PCIF1: variants seen among roughly 807,000 people sequenced by gnomAD.
PCIF1 encodes the protein phosphorylated CTD interacting factor 1.
Under a neutral mutation model 86.9 loss-of-function variants are expected in PCIF1, and 12 were observed. That is an observed-to-expected ratio of 0.14 (90% confidence interval 0.09 to 0.22). The LOEUF (loss-of-function observed/expected upper bound fraction) is 0.22. Ranked by LOEUF, PCIF1 falls within the 10% of genes least tolerant of loss-of-function variation. The probability of loss-of-function intolerance (pLI) is 1.00; values close to 1 mark genes in which losing one functional copy is unlikely to be tolerated. For synonymous variants in PCIF1, 397 were observed against 372.0 expected (o/e 1.07, Z -0.77); for missense variants, 701 against 951.1 (o/e 0.74, Z 3.46).
At chr20:45,935,092 C>T (rs890749429) in intron 1 of PCIF1, among the ~76,000 whole-genome samples, 2 of 150,326 alleles carry the variant, frequency 1.3e-5, no homozygotes, top group African/African-American at 4.9e-5. Context: ...AGCCCGGGGG[C>T]GGGAGCGCGC....
In PCIF1 at chr20:45,947,982, TTG is replaced by T. The variant is rs1334436250; in HGVS notation, c.*229_*230del. The T allele has an allele frequency of 3.7e-5, 57 of 1,522,330 alleles. No homozygotes were observed. Among genetic ancestry groups the T allele is most frequent in the Non-Finnish European group, 4.8e-5 (55 of 1,137,588 alleles). The allele number at this position is 1,522,330 out of a possible 1,614,324, so 94.3% of individuals were successfully genotyped here. ...CCCCGCCCCTCACCCTGTTGCCACC[TTG>T]TTTCATTTGTAAAAGGAAATACAGA... is the stretch of plus-strand genomic sequence containing the variant. On this transcript the variant is annotated 3_prime_UTR_variant, in exon 17 of 17. Transcript: ENST00000372409. The surrounding 1 kb of genome is among the most constrained non-coding windows in gnomAD (Gnocchi z 5.4).
intron 7 of PCIF1, among the ~76,000 whole-genome samples, chr20:45,941,422 A>G (rs907383609): frequency 1.3e-5 from 2 of 152,230 alleles, no homozygotes; most frequent in African/African-American, 4.8e-5. Context: ...AGTAAAATGA[A>G]TAAGTATTAA....
At chr20:45,935,173 GGGGTAGGGGGA>G (rs2083409945) in intron 1 of PCIF1, among the ~76,000 whole-genome samples, 1 of 151,096 alleles carries the variant, frequency 6.6e-6, no homozygotes, top group Non-Finnish European at 1.5e-5. Context: ...CACCCTCGCT[GGGGTAGGGGGA>G]GGGGAAGGTG....
chr20:45,942,374 G>A (rs2083479750), intron 7 of PCIF1, among the ~76,000 whole-genome samples: 1 of 148,660 alleles, frequency 6.7e-6, no homozygotes, highest in South Asian at 2.1e-4. Context: ...GAGTGCAATG[G>A]CACGGTCTCG....
In PCIF1 at chr20:45,937,472, A is replaced by G. The variant is rs1205105487; in HGVS notation, c.-133A>G. On this transcript the variant is annotated 5_prime_UTR_variant, in exon 2 of 17. Coordinates refer to ENST00000372409, the MANE Select transcript of PCIF1 (RefSeq NM_022104.4). ...CGTCCACTCCACTGCTGACCAGCCC[A>G]TTCGCCTGTGCTGAGTCTTCCTGCA... The G allele has an allele frequency of 5.0e-6, 2 of 399,180 alleles. No individual in the cohort carries two copies. Among genetic ancestry groups the G allele is most frequent in the Non-Finnish European group, 8.8e-6 (2 of 226,174 alleles). The allele number at this position is 399,180 out of a possible 1,614,324, so 24.7% of individuals were successfully genotyped here. A position where few individuals can be genotyped will look rare whatever the true frequency, so the allele number is the denominator to read the frequency against.
rs2083489397 is a variant in PCIF1 at position 45,943,058 on chromosome 20, G to T, written c.674-39G>T. 2 of 1,601,798 alleles carry T rather than the reference G, an allele frequency of 1.2e-6. No individual in the cohort carries two copies. Among genetic ancestry groups the T allele is most frequent in the African/African-American group, 1.3e-5 (1 of 74,650 alleles). ...TGCCAAGCTCCAAGTGGGACTGCTT[G>T]ATTAAATCCAGGCCTTCAGCAGCTC... On this transcript the variant is annotated intron_variant, in intron 7 of 16. Transcript: ENST00000372409. The surrounding 1 kb of genome is among the most constrained non-coding windows in gnomAD (Gnocchi z 5.5).
chr20:45,940,681 C>A, intron 5 of PCIF1, 69 bp downstream of exon 5: 1 of 1,576,998 alleles, frequency 6.3e-7, no homozygotes, highest in Non-Finnish European at 8.6e-7. Flanking sequence ...AGGCTCCCTG[C>A]AGGGGCTGGG....
intron 11 of PCIF1, 86 bp from the exon 12 acceptor site, chr20:45,945,625 C>T (rs1008188083): frequency 2.0e-6 from 3 of 1,486,968 alleles, no homozygotes; most frequent in Non-Finnish European, 2.7e-6. Context: ...ATGGGACTTC[C>T]CTCTCTCGGT....
chr20:45,946,978 C>T lies in PCIF1; in HGVS notation c.1614-95C>T, dbSNP rs2083534186. 3 of 1,027,268 alleles carry T rather than the reference C, an allele frequency of 2.9e-6. No individual in the cohort carries two copies. The South Asian group carries it at 4.4e-5, about 15-fold the overall frequency. The allele number at this position is 1,027,268 out of a possible 1,614,324, so 63.6% of individuals were successfully genotyped here. ...ATGCTGGCTTCTGGACAGGCCATCT[C>T]TTCAGTGTGGCTGCCTAGGGTTGGG... On this transcript the variant is annotated intron_variant, in intron 14 of 16. Coordinates refer to ENST00000372409, the MANE Select transcript of PCIF1 (RefSeq NM_022104.4).
chr20:45,940,250 G>C (rs2083458035), intron 4 of PCIF1, among the ~76,000 whole-genome samples: 1 of 152,174 alleles, frequency 6.6e-6, no homozygotes, highest in African/African-American at 2.4e-5. Context: ...GTAGGGATTA[G>C]CATGGCCATT....
rs766038014 is a variant in PCIF1, at chr20:45,943,361, G to A, written c.843G>A (p.Arg281=). The A allele has an allele frequency of 1.2e-6, 2 of 1,614,150 alleles. No homozygotes were observed. The highest frequency in any genetic ancestry group is 1.1e-5 in the South Asian group (1 of 91,082). The change falls in exon 9 of 17, where the codon CGG becomes CGA. Residue 281 remains arginine, a synonymous_variant. Coordinates refer to ENST00000372409, the MANE Select transcript of PCIF1 (RefSeq NM_022104.4). The surrounding 1 kb of genome is among the most constrained non-coding windows in gnomAD (Gnocchi z 5.5). ...GCAGGTTATCCCGAATCAAGTTCCG[G>A]GAGGAAGCCAAGCGCCTGCTCTTTA... ...IPIRLSRIKF[R]EEAKRLLFKY...
intron 7 of PCIF1, among the ~76,000 whole-genome samples, chr20:45,941,993 T>G (rs1403310993): frequency 6.6e-6 from 1 of 150,636 alleles, no homozygotes; most frequent in African/African-American, 2.4e-5. Flanking sequence ...TTTTTTTTCT[T>G]GAGACGGCGT....
rs2083551167 is a variant in PCIF1, at chr20:45,947,970, CCT to C, written c.*216_*217del. The C allele has an allele frequency of 2.6e-6, 4 of 1,528,866 alleles. No individual in the cohort carries two copies. The highest frequency in any genetic ancestry group is 2.0e-5 in the Admixed American group (1 of 50,524). The allele number at this position is 1,528,866 out of a possible 1,614,324, so 94.7% of individuals were successfully genotyped here. On this transcript the variant is annotated 3_prime_UTR_variant, in exon 17 of 17. Transcript: ENST00000372409. The surrounding 1 kb of genome is among the most constrained non-coding windows in gnomAD (Gnocchi z 5.4). ...ATGCCTTCCCAACCCCGCCCCTCAC[CCT>C]GTTGCCACCTTGTTTCATTTGTAAA... is the stretch of plus-strand genomic sequence containing the variant.
chr20:45,938,643 C>T lies in PCIF1; in HGVS notation c.-19-338C>T, dbSNP rs189601270. Among the ~76,000 whole-genome samples, 150 of 152,232 alleles carry T rather than the reference C, an allele frequency of 9.9e-4. 1 individual carries two copies. Among genetic ancestry groups the T allele is most frequent in the Admixed American group, 5.6e-3 (85 of 15,284 alleles). On this transcript the variant is annotated intron_variant, in intron 2 of 16. Transcript: ENST00000372409. Reference sequence around the variant, plus strand: ...GATAGATGAGACCATCTGAGTGCTACGACAGAGGTGTTCACGGCCCTGAGG... The same window carrying T: ...GATAGATGAGACCATCTGAGTGCTATGACAGAGGTGTTCACGGCCCTGAGG...
Position 45,946,032 on chromosome 20 carries a change from C to T in PCIF1, c.1345C>T (p.Leu449Phe), listed in dbSNP as rs1325855123. The change falls in exon 13 of 17, where the codon CTC becomes TTC. Residue 449 changes from leucine (L) to phenylalanine (F), a missense_variant. By Grantham distance (22) the Leu-to-Phe change is conservative. Around this residue, in one of 7 missense-constraint regions of PCIF1, gnomAD observed 121 missense variants for 131.7 expected, o/e 0.92. Transcript: ENST00000372409. ...VSRNYFSKLW[L>F]LYRYSCIDDS... ...TCCTCTCTGTCCCGCTCCACAGTGG[C>T]TCCTTTACCGCTACAGCTGCATTGA... 1 of 1,614,056 alleles carries T rather than the reference C, an allele frequency of 6.2e-7. No individual in the cohort carries two copies. Among genetic ancestry groups the T allele is most frequent in the East Asian group, 2.2e-5 (1 of 44,894 alleles).
chr20:45,945,172 G>A (rs1256838322), intron 11 of PCIF1, 142 bp downstream of exon 11: 13 of 1,044,862 alleles, frequency 1.2e-5, no homozygotes, highest in Admixed American at 2.9e-5. Context: ...ACTTCTCTGG[G>A]AAACGGAGAA....
intron 13 of PCIF1, 31 bp from the exon 14 acceptor site, chr20:45,946,169 G>C (rs764780615): frequency 1.2e-6 from 2 of 1,614,156 alleles, no homozygotes; most frequent in Admixed American, 3.3e-5. Context: ...GGGAGGGTGA[G>C]CCCCAGGTGC....
At chr20:45,935,522 A>T (rs1237333714) in intron 1 of PCIF1, among the ~76,000 whole-genome samples, 2 of 152,218 alleles carry the variant, frequency 1.3e-5, no homozygotes, top group Admixed American at 1.3e-4. Flanking sequence ...GCTGGACTCT[A>T]CATATAACGG....
At position 45,947,917 on chromosome 20, in the gene PCIF1, C is replaced by A. The variant is rs2083550163; in HGVS notation, c.*162C>A. 5 of 1,533,794 alleles carry A rather than the reference C, an allele frequency of 3.3e-6. No individual in the cohort carries two copies. In the African/African-American group the frequency reaches 4.1e-5, roughly 13 times the overall value. ...GTCCCCAAGTCCTCACCTCAAACTC[C>A]CTCCAAGTCCCATGTATATAGGTCC... On this transcript the variant is annotated 3_prime_UTR_variant, in exon 17 of 17. Coordinates refer to ENST00000372409, the MANE Select transcript of PCIF1 (RefSeq NM_022104.4). This position sits in a 1 kb window ranked among gnomAD's most constrained non-coding sequence, Gnocchi z 5.4.
Sources: allele counts gnomAD v4.1 joint callset (sites outside exome capture counted in the v4.1 genomes callset), GRCh38; gene constraint gnomAD v4.1.1; regional missense constraint gnomAD v4.1.1; non-coding constraint Gnocchi (gnomAD v3.1); transcripts MANE v1.5; gene names NCBI Gene and HGNC (gene_info 2026-07-23, HGNC 2026-07-21).